Variants in KCNK9 observed in about 807,000 individuals in gnomAD.
KCNK9 encodes the protein potassium two pore domain channel subfamily K member 9, also known as potassium channel subfamily K member 9.
In KCNK9, 1 loss-of-function variant was observed where a neutral mutation model predicts 10.8. That is an observed-to-expected ratio of 0.09 (90% CI 0.03 to 0.44). The LOEUF is 0.44. KCNK9 is among the 20% of genes least tolerant of loss of function. KCNK9 has a pLI of 0.97. For missense variants in KCNK9, 303 were observed against 515.0 expected (o/e 0.59, Z 3.98); for synonymous variants, 231 against 222.7 (o/e 1.04, Z -0.33).
chr8:139,643,511 T>A (rs1051093148), intron 1 of KCNK9, among the ~76,000 whole-genome samples: 1 of 152,270 alleles, frequency 6.6e-6, no homozygotes, highest in African/African-American at 2.4e-5. Flanking sequence ...CCTGAAGATT[T>A]CCCTCCTGGG....
At chr8:139,650,544 C>G (rs546875260) in intron 1 of KCNK9, among the ~76,000 whole-genome samples, 1 of 152,250 alleles carries the variant, frequency 6.6e-6, no homozygotes, top group South Asian at 2.1e-4. Context: ...CCCTGTCCCT[C>G]CCTTACCTGA....
At chr8:139,671,418 C>A (rs1816422647) in intron 1 of KCNK9, among the ~76,000 whole-genome samples, 1 of 152,210 alleles carries the variant, frequency 6.6e-6, no homozygotes, top group Non-Finnish European at 1.5e-5. Context: ...TGAACTCCCA[C>A]CAGCAAGAGG....
intron 1 of KCNK9, among the ~76,000 whole-genome samples, chr8:139,647,517 G>T (rs1335982549): frequency 6.6e-6 from 1 of 152,214 alleles, no homozygotes; most frequent in Non-Finnish European, 1.5e-5. Flanking sequence ...GGCTAGACGT[G>T]CACGCGGCAT....
intron 1 of KCNK9, among the ~76,000 whole-genome samples, chr8:139,632,982 C>T (rs1815220093): frequency 6.6e-6 from 1 of 152,106 alleles, no homozygotes; most frequent in Non-Finnish European, 1.5e-5. Context: ...GCGAGAAGAA[C>T]CCCTCGGTTT....
At chr8:139,672,273 C>T (rs1203751667) in intron 1 of KCNK9, among the ~76,000 whole-genome samples, 1 of 152,166 alleles carries the variant, frequency 6.6e-6, no homozygotes, top group Non-Finnish European at 1.5e-5. Context: ...AGGGGAGGGC[C>T]TCGGGGCTGG....
intron 1 of KCNK9, among the ~76,000 whole-genome samples, chr8:139,628,353 T>C (rs1265051328): frequency 6.6e-6 from 1 of 152,246 alleles, no homozygotes; most frequent in Non-Finnish European, 1.5e-5. Flanking sequence ...AGCCCTGCCC[T>C]GCACAGCGTG....
chr8:139,643,306 T>C (rs1815566128), intron 1 of KCNK9, among the ~76,000 whole-genome samples: 1 of 152,202 alleles, frequency 6.6e-6, no homozygotes, highest in Non-Finnish European at 1.5e-5. Context: ...CCCCCGCCTG[T>C]CTGGATCTCC....
chr8:139,605,084 C>A (rs1288446417), intron 2 of KCNK9, among the ~76,000 whole-genome samples: 1 of 152,224 alleles, frequency 6.6e-6, no homozygotes, highest in Non-Finnish European at 1.5e-5. Context: ...TCCTATGGAG[C>A]TGGAAGGAGC....
intron 1 of KCNK9, among the ~76,000 whole-genome samples, chr8:139,631,526 T>C (rs1815170896): frequency 6.6e-6 from 1 of 152,172 alleles, no homozygotes; most frequent in African/African-American, 2.4e-5. Context: ...CCACACCTGG[T>C]CAGGCACTGG....
chr8:139,683,768 C>A (rs188144142), intron 1 of KCNK9, among the ~76,000 whole-genome samples: 15 of 152,338 alleles, frequency 9.8e-5, no homozygotes, highest in Admixed American at 9.1e-4. Flanking sequence ...GGAGACCAGA[C>A]TGGATGTCCC....
chr8:139,625,523 C>T (rs1376469643), intron 1 of KCNK9, among the ~76,000 whole-genome samples: 1 of 152,228 alleles, frequency 6.6e-6, no homozygotes, highest in Non-Finnish European at 1.5e-5. Context: ...TTCCATCTTC[C>T]CAGGCCTGCC....
chr8:139,697,660 A>G (rs897467670), intron 1 of KCNK9, among the ~76,000 whole-genome samples: 1 of 152,040 alleles, frequency 6.6e-6, no homozygotes, highest in African/African-American at 2.4e-5. Flanking sequence ...GACCCAGGAA[A>G]GAGTAGGTGA....
chr8:139,624,395 G>A (rs3824285), intron 1 of KCNK9, among the ~76,000 whole-genome samples: 4,836 of 152,200 alleles, frequency 0.032, 231 homozygotes, highest in East Asian at 0.22. Context: ...CCAGGATGCC[G>A]GCATGTTCAG....
rs532247600 is a variant in KCNK9 at position 139,630,433 on chromosome 8, A to C, written c.284-11334T>G. 1.6e-4 allele frequency among the ~76,000 whole-genome samples: 24 copies of C among 152,168 alleles called. 1 individual carries two copies. Among genetic ancestry groups the C allele is most frequent in the African/African-American group, 5.5e-4 (23 of 41,518 alleles). ...CACCTCCCCGGGGCCTCTCTCCCGG[A>C]GGATGCAGGCCTGGGCCAGCCCCTA... On this transcript the variant is annotated intron_variant, in intron 1 of 1. Coordinates refer to ENST00000520439, the MANE Select transcript of KCNK9 (RefSeq NM_001282534.2).
At chr8:139,611,780 T>TTC (rs1814432780), downstream of KCNK9, 1 of 152,254 alleles carries the variant, frequency 6.6e-6, no homozygotes, top group Non-Finnish European at 1.5e-5. Context: ...ACCAGTTTTC[T>TTC]TCTCATAGAT....
intron 1 of KCNK9, among the ~76,000 whole-genome samples, chr8:139,627,783 G>A (rs577671025): frequency 6.6e-6 from 1 of 152,334 alleles, no homozygotes; most frequent in Admixed American, 6.5e-5. Flanking sequence ...ACACTCCCCT[G>A]TGTCTCTTGT....
intron 1 of KCNK9, among the ~76,000 whole-genome samples, chr8:139,672,799 T>C (rs1816463203): frequency 6.6e-6 from 1 of 152,168 alleles, no homozygotes; most frequent in Non-Finnish European, 1.5e-5. Flanking sequence ...GGGGGTCACT[T>C]ACATCCTAGG....
At chr8:139,640,503 C>T (rs528759016) in intron 1 of KCNK9, among the ~76,000 whole-genome samples, 2 of 152,332 alleles carry the variant, frequency 1.3e-5, no homozygotes, top group East Asian at 1.9e-4. Context: ...TTGGGGTCCT[C>T]GCTGGGCTCC....
downstream of KCNK9, among the ~76,000 whole-genome samples, chr8:139,608,421 G>A (rs74505129): frequency 8.5e-5 from 13 of 152,196 alleles, no homozygotes; most frequent in East Asian, 3.8e-4. Context: ...TCCTTCCTTC[G>A]CAGACGGGGA....
Sources: allele counts gnomAD v4.1 joint callset (sites outside exome capture counted in the v4.1 genomes callset), GRCh38; gene constraint gnomAD v4.1.1; transcripts MANE v1.5; gene names NCBI Gene and HGNC (gene_info 2026-07-23, HGNC 2026-07-21).